The following FRMD4A variants were observed in gnomAD, a reference collection of about 807,000 sequenced individuals.
FRMD4A encodes the protein FERM domain containing 4A.
Under a neutral mutation model 129.1 loss-of-function variants are expected in FRMD4A, and 29 were observed. That is an observed-to-expected ratio of 0.22 (90% confidence interval 0.17 to 0.31). The LOEUF (loss-of-function observed/expected upper bound fraction) is 0.31, where lower values mean the gene tolerates loss of function less well. Ranked by LOEUF, FRMD4A falls within the 10% of genes least tolerant of loss-of-function variation. The probability of loss-of-function intolerance (pLI) is 1.00; values close to 1 mark genes in which losing one functional copy is unlikely to be tolerated. For missense variants in FRMD4A, 1,272 were observed against 1,375.8 expected (o/e 0.92, Z 1.19); for synonymous variants, 634 against 571.6 (o/e 1.11, Z -1.56).
chr10:13,790,649 A>T (rs11258616), intron 5 of FRMD4A, among the ~76,000 whole-genome samples: 2 of 152,048 alleles, frequency 1.3e-5, no homozygotes, highest in Non-Finnish European at 2.9e-5. Flanking sequence ...ACATGGGAGC[A>T]GGGCAGAAGC....
At chr10:14,091,788 A>G (rs1028026587) in intron 2 of FRMD4A, among the ~76,000 whole-genome samples, 3 of 152,234 alleles carry the variant, frequency 2.0e-5, no homozygotes, top group African/African-American at 7.2e-5. Context: ...GGAAATGAGG[A>G]AACCAATAGA....
rs765682812 is a variant in FRMD4A at position 13,707,003 on chromosome 10, G to C, written c.836+34C>G. 6.0e-5 allele frequency: 68 copies of C among 1,124,074 alleles called. No individual in the cohort carries two copies. The East Asian group carries it at 8.5e-4, about 14-fold the overall frequency. The allele number at this position is 1,124,074 out of a possible 1,614,324, so 69.6% of individuals were successfully genotyped here. A position where few individuals can be genotyped will look rare whatever the true frequency, so the allele number is the denominator to read the frequency against. ...CATAACACGCCCGGCCGAGAGCCACGCCATCCCGCAAGAAAAGGACTTTTC... is the reference window on the plus strand; with the variant it reads ...CATAACACGCCCGGCCGAGAGCCACCCCATCCCGCAAGAAAAGGACTTTTC... On this transcript the variant is annotated intron_variant, in intron 13 of 24. Transcript: ENST00000357447.
At chr10:14,295,937 T>C (rs966333396) in intron 2 of FRMD4A, among the ~76,000 whole-genome samples, 1 of 152,202 alleles carries the variant, frequency 6.6e-6, no homozygotes, top group Admixed American at 6.5e-5. Context: ...ACGATCTTTT[T>C]CGAAATGCCA....
At chr10:14,242,968 TA>T (rs1295141011) in intron 2 of FRMD4A, among the ~76,000 whole-genome samples, 3 of 152,322 alleles carry the variant, frequency 2.0e-5, no homozygotes, top group African/African-American at 4.8e-5. Context: ...TATAAAGGGT[TA>T]AAAGGTGGAA....
chr10:14,126,805 G>A (rs12572898), intron 2 of FRMD4A, among the ~76,000 whole-genome samples: 81,937 of 151,872 alleles, frequency 0.54, 22,408 homozygotes, highest in East Asian at 0.73. Context: ...TACTTCTTGG[G>A]GAGAAGAAAT....
At chr10:13,896,234 G>C (rs995618434) in intron 2 of FRMD4A, among the ~76,000 whole-genome samples, 1 of 152,132 alleles carries the variant, frequency 6.6e-6, no homozygotes, top group African/African-American at 2.4e-5. Context: ...GTTTATTGCA[G>C]CACTATTTAC....
chr10:13,864,383 C>G (rs1169051823), intron 2 of FRMD4A, among the ~76,000 whole-genome samples: 2 of 149,672 alleles, frequency 1.3e-5, no homozygotes, highest in Non-Finnish European at 1.5e-5. Flanking sequence ...CCAAATATGT[C>G]TTACTGAGAA....
rs943285724 is a variant in FRMD4A at position 13,646,361 on chromosome 10, G to A, written c.*677C>T. On this transcript the variant is annotated 3_prime_UTR_variant, in exon 25 of 25. Coordinates refer to ENST00000357447, the MANE Select transcript of FRMD4A (RefSeq NM_018027.5). Reference sequence around the variant, plus strand: ...AATCTTTGGCAGCATAGAACTGATTGTGGTCCTCCGATGCATTTCTGGTGT... The same window carrying A: ...AATCTTTGGCAGCATAGAACTGATTATGGTCCTCCGATGCATTTCTGGTGT... The A allele has an allele frequency of 2.0e-5, 3 of 152,512 alleles. No individual in the cohort carries two copies. Among genetic ancestry groups the A allele is most frequent in the African/African-American group, 7.2e-5 (3 of 41,402 alleles). The allele number at this position is 152,512 out of a possible 1,614,324, so 9.4% of individuals were successfully genotyped here.
intron 2 of FRMD4A, chr10:13,891,843 G>GC: frequency 1.5e-6 from 1 of 673,578 alleles, no homozygotes; most frequent in Non-Finnish European, 1.8e-6. Flanking sequence ...GCCGAGCCTG[G>GC]CCCGGCGCCA....
intron 2 of FRMD4A, among the ~76,000 whole-genome samples, chr10:14,170,461 C>T (rs1841417752): frequency 6.6e-6 from 1 of 152,014 alleles, no homozygotes; most frequent in Non-Finnish European, 1.5e-5. Context: ...ACAAATGTTC[C>T]TCGAAAAAAG....
chr10:14,044,916 G>A (rs1833924033), intron 2 of FRMD4A, among the ~76,000 whole-genome samples: 1 of 151,998 alleles, frequency 6.6e-6, no homozygotes, highest in Admixed American at 6.6e-5. Flanking sequence ...ACATTCTCTG[G>A]CCCCTTTTTC....
intron 2 of FRMD4A, among the ~76,000 whole-genome samples, chr10:13,880,554 C>G (rs576357347): frequency 2.6e-4 from 39 of 152,286 alleles, no homozygotes; most frequent in Non-Finnish European, 3.7e-4. Flanking sequence ...TGGGGAGAGC[C>G]CCCCAGGGTA....
intron 2 of FRMD4A, among the ~76,000 whole-genome samples, chr10:14,289,596 A>C (rs1396489379): frequency 6.6e-6 from 1 of 152,118 alleles, no homozygotes; most frequent in East Asian, 1.9e-4. Context: ...TTTACAACAA[A>C]CTAAGTATAA....
At chr10:13,779,823 T>G (rs2092691966) in intron 6 of FRMD4A, among the ~76,000 whole-genome samples, 1 of 149,630 alleles carries the variant, frequency 6.7e-6, no homozygotes, top group Non-Finnish European at 1.5e-5. Flanking sequence ...TCAAAAGGCG[T>G]TGTGAAGACT....
intron 2 of FRMD4A, among the ~76,000 whole-genome samples, chr10:14,239,781 A>T (rs544798893): frequency 1.2e-4 from 19 of 152,362 alleles, no homozygotes; most frequent in Admixed American, 5.2e-4. Flanking sequence ...AACAGAGAAT[A>T]GGAGAAAGAG....
At chr10:13,760,494 G>A (rs2092026003) in intron 8 of FRMD4A, among the ~76,000 whole-genome samples, 1 of 152,008 alleles carries the variant, frequency 6.6e-6, no homozygotes, top group Admixed American at 6.6e-5. Flanking sequence ...ACTCCAGCCT[G>A]GGTAACAGAA....
chr10:13,684,347 G>A, intron 15 of FRMD4A: 1 of 985,148 alleles, frequency 1.0e-6, no homozygotes, highest in Non-Finnish European at 1.2e-6. Flanking sequence ...ATTTTCGGGG[G>A]CATTTGGAAA....
intron 2 of FRMD4A, among the ~76,000 whole-genome samples, chr10:13,884,128 ACACGCT>A (rs59279946): frequency 0.012 from 678 of 57,816 alleles, 14 homozygotes; most frequent in African/African-American, 0.032. Context: ...ACACTCACAC[ACACGCT>A]CACACACACT....
At chr10:14,121,545 C>A (rs1461393966) in intron 2 of FRMD4A, among the ~76,000 whole-genome samples, 1 of 152,186 alleles carries the variant, frequency 6.6e-6, no homozygotes, top group African/African-American at 2.4e-5. Flanking sequence ...CTATCAGCTA[C>A]AGTCACCTGT....
Sources: allele counts gnomAD v4.1 joint callset (sites outside exome capture counted in the v4.1 genomes callset), GRCh38; gene constraint gnomAD v4.1.1; transcripts MANE v1.5; gene names NCBI Gene and HGNC (gene_info 2026-07-23, HGNC 2026-07-21).